EFHC1: variants seen among roughly 807,000 people sequenced by gnomAD.
The protein encoded by EFHC1 is EF-hand domain-containing protein 1.
EFHC1 carries 53 observed loss-of-function variants against 69.9 expected under a neutral mutation model. That is an observed-to-expected ratio of 0.76 (90% CI 0.61 to 0.95). EFHC1 has a LOEUF of 0.95. Among genes scored for constraint, EFHC1 ranks in the 40% least tolerant of loss-of-function variants. EFHC1 has a pLI of 0.00. For synonymous variants in EFHC1, 256 were observed against 278.4 expected, an observed-to-expected ratio of 0.92 and a Z score of 0.80; for missense variants, 739 against 798.7, an observed-to-expected ratio of 0.93 and a Z score of 0.90.
chr6:52,494,354 G>T lies in EFHC1; in HGVS notation c.*2013G>T, dbSNP rs1360910307. ...CTGTGGTAAAGAGTGTGTGTATACT[G>T]GGGTGATGATAGTGGTTTCTTCTTA... On this transcript the variant is annotated 3_prime_UTR_variant, in exon 11 of 11. Coordinates refer to ENST00000371068, the MANE Select transcript of EFHC1 (RefSeq NM_018100.4). The T allele has an allele frequency of 2.2e-6, 1 of 453,926 alleles. No homozygotes were observed. Among genetic ancestry groups the T allele is most frequent in the Non-Finnish European group, 4.4e-6 (1 of 226,766 alleles). The allele number at this position is 453,926 out of a possible 1,614,324, so 28.1% of individuals were successfully genotyped here.
chr6:52,462,581 A>C (rs1368688848), intron 5 of EFHC1, among the ~76,000 whole-genome samples: 4 of 152,148 alleles, frequency 2.6e-5, no homozygotes, highest in Admixed American at 2.6e-4. Context: ...GCACATATAC[A>C]CCATATTAAA....
intron 2 of EFHC1, among the ~76,000 whole-genome samples, chr6:52,436,558 C>T (rs1764536943): frequency 6.6e-6 from 1 of 152,196 alleles, no homozygotes; most frequent in Non-Finnish European, 1.5e-5. Context: ...TGAAAAGACA[C>T]ATTAAAAACA....
intron 4 of EFHC1, chr6:52,453,369 C>T (rs1764962286): frequency 6.2e-6 from 8 of 1,287,080 alleles, no homozygotes; most frequent in South Asian, 1.2e-5. Flanking sequence ...CTAATCCTCT[C>T]CCTTGTGAGC....
chr6:52,492,690 A>G lies in EFHC1; in HGVS notation c.*349A>G, dbSNP rs532308779. The stretch of plus-strand genomic sequence containing the variant: ...AGTGTGGTGGCACTATCCTAGTTCT[A>G]TGAAGCCTCAGACTCCTGGGCTCAA... On this transcript the variant is annotated 3_prime_UTR_variant, in exon 11 of 11. Coordinates refer to ENST00000371068, the MANE Select transcript of EFHC1 (RefSeq NM_018100.4). 4.3e-5 allele frequency: 19 copies of G among 444,220 alleles called. No individual in the cohort carries two copies. Among genetic ancestry groups the G allele is most frequent in the Middle Eastern group, 7.3e-4 (1 of 1,362 alleles). 27.5% of individuals were successfully genotyped at this position (444,220 alleles called of 1,614,324 possible).
chr6:52,438,317 A>T lies in EFHC1; in HGVS notation c.299A>T (p.Asp100Val). 1 of 1,613,268 alleles carries T rather than the reference A, an allele frequency of 6.2e-7. No individual in the cohort carries two copies. The highest frequency in any genetic ancestry group is 1.1e-5 in the South Asian group (1 of 90,956). ...TGTATGTTATAGGTACTGAAATTTG[A>T]TGCCTATTTCCAAGAAGATGTTCCT... ...VAFDKKVLKF[D>V]AYFQEDVPMS... Residue 100 changes from aspartate (D) to valine (V), a missense_variant, in exon 3 of 11, where the codon GAT becomes GTT. Physicochemically the swap from Asp to Val is radical, Grantham distance 152. Coordinates refer to ENST00000371068, the MANE Select transcript of EFHC1 (RefSeq NM_018100.4).
intron 4 of EFHC1, chr6:52,453,534 T>C (rs1562452793): frequency 7.8e-7 from 1 of 1,286,910 alleles, no homozygotes; most frequent in Non-Finnish European, 1.0e-6. Flanking sequence ...GCATGGTCTT[T>C]TAAGGATTTT....
chr6:52,443,995 G>A (rs1445532670), intron 3 of EFHC1, among the ~76,000 whole-genome samples: 1 of 152,082 alleles, frequency 6.6e-6, no homozygotes, highest in Non-Finnish European at 1.5e-5. Context: ...CCTTGAAGAG[G>A]TCCTTCATGT....
At chr6:52,443,871 C>A (rs1764721624) in intron 3 of EFHC1, among the ~76,000 whole-genome samples, 1 of 152,186 alleles carries the variant, frequency 6.6e-6, no homozygotes, top group Admixed American at 6.5e-5. Flanking sequence ...CTATAAATTA[C>A]CTTGTGCAGT....
chr6:52,437,851 G>T (rs756519409), intron 2 of EFHC1, among the ~76,000 whole-genome samples: 1 of 152,120 alleles, frequency 6.6e-6, no homozygotes, highest in African/African-American at 2.4e-5. Flanking sequence ...CACATTGAGG[G>T]TTAGGGGTTC....
chr6:52,454,153 C>T lies in EFHC1; in HGVS notation c.782C>T (p.Thr261Ile), dbSNP rs767351638. ...GACAGCATGTATGGTGAATGTCGGA[C>T]CTACATCATTCATTACTATCTTATG... ...DTDSMYGECR[T>I]YIIHYYLMDD... The change falls in exon 5 of 11, where the codon ACC becomes ATC. Residue 261 changes from threonine to isoleucine, a missense_variant. Transcript: ENST00000371068. 8 of 1,613,994 alleles carry T rather than the reference C, an allele frequency of 5.0e-6. No individual in the cohort carries two copies. The highest frequency in any genetic ancestry group is 5.9e-6 in the Non-Finnish European group (7 of 1,180,006).
At chr6:52,441,969 G>A (rs1223095696) in intron 3 of EFHC1, among the ~76,000 whole-genome samples, 8 of 152,202 alleles carry the variant, frequency 5.3e-5, no homozygotes, top group South Asian at 2.1e-4. Context: ...AAATTTTGCC[G>A]AAGTTGTTTA....
chr6:52,458,095 A>G (rs1392046035), intron 5 of EFHC1, among the ~76,000 whole-genome samples: 1 of 152,214 alleles, frequency 6.6e-6, no homozygotes, highest in Non-Finnish European at 1.5e-5. Context: ...TAAAAAAGCA[A>G]TTTGGTGGAG....
At chr6:52,451,342 C>G (rs1055094825) in intron 3 of EFHC1, among the ~76,000 whole-genome samples, 1 of 152,142 alleles carries the variant, frequency 6.6e-6, no homozygotes, top group Admixed American at 6.5e-5. Context: ...GTAATGAACT[C>G]TGTCAGCATT....
intron 7 of EFHC1, among the ~76,000 whole-genome samples, chr6:52,475,887 CAT>C (rs796527217): frequency 4.6e-4 from 70 of 152,238 alleles, no homozygotes; most frequent in African/African-American, 1.3e-3. Flanking sequence ...TAGGTAGTAA[CAT>C]GTGCTGTAAA....
In EFHC1 at chr6:52,494,354, G is replaced by A; in HGVS notation, c.*2013G>A. On this transcript the variant is annotated 3_prime_UTR_variant, in exon 11 of 11. Transcript: ENST00000371068. ...CTGTGGTAAAGAGTGTGTGTATACT[G>A]GGGTGATGATAGTGGTTTCTTCTTA... The A allele has an allele frequency of 2.2e-6, 1 of 454,044 alleles. No homozygotes were observed. Among genetic ancestry groups the A allele is most frequent in the South Asian group, 1.6e-5 (1 of 64,472 alleles). The allele number at this position is 454,044 out of a possible 1,614,324, so 28.1% of individuals were successfully genotyped here.
chr6:52,465,961 A>G (rs1056372720), intron 6 of EFHC1, among the ~76,000 whole-genome samples: 4 of 150,976 alleles, frequency 2.6e-5, no homozygotes, highest in Non-Finnish European at 4.4e-5. Flanking sequence ...ATAGATATAG[A>G]TATATCTCAT....
intron 2 of EFHC1, among the ~76,000 whole-genome samples, chr6:52,431,767 C>G (rs1764420302): frequency 6.6e-6 from 1 of 152,018 alleles, no homozygotes; most frequent in Non-Finnish European, 1.5e-5. Flanking sequence ...GACTTTCTGT[C>G]TTGGCCTGGC....
chr6:52,455,000 G>A (rs936256042), intron 5 of EFHC1, among the ~76,000 whole-genome samples: 4 of 152,164 alleles, frequency 2.6e-5, no homozygotes, highest in Non-Finnish European at 4.4e-5. Flanking sequence ...GCTGAGGTGG[G>A]AGGATCATCT....
intron 1 of EFHC1, among the ~76,000 whole-genome samples, chr6:52,421,678 A>G (rs554144279): frequency 6.6e-6 from 1 of 152,376 alleles, no homozygotes; most frequent in South Asian, 2.1e-4. Flanking sequence ...TCAATTTAGA[A>G]TGAAATCGAA....
Sources: gnomAD v4.1 joint callset for allele counts (sites outside exome capture counted in the v4.1 genomes callset) on GRCh38, gnomAD v4.1.1 for gene constraint, MANE v1.5 for transcripts, NCBI Gene and HGNC (gene_info 2026-07-23, HGNC 2026-07-21) for gene names.